The following AFG3L2 variants were observed in gnomAD, a reference collection of about 807,000 sequenced individuals.
AFG3L2 encodes AFG3 like matrix AAA peptidase subunit 2.
In AFG3L2, 54 loss-of-function variants were observed where a neutral mutation model predicts 94.5. The ratio of observed to expected loss-of-function variants is 0.57; its 90% CI spans 0.46 to 0.72. The LOEUF (loss-of-function observed/expected upper bound fraction) is 0.72. AFG3L2 is among the 30% of genes least tolerant of loss of function. The pLI, the probability that AFG3L2 is intolerant of heterozygous loss-of-function variation, is 0.00. For missense variants in AFG3L2, 754 were observed against 994.9 expected, an observed-to-expected ratio of 0.76 and a Z score of 3.26; for synonymous variants, 377 against 365.5, an observed-to-expected ratio of 1.03 and a Z score of -0.36.
At chr18:12,371,441 T>C in intron 2 of AFG3L2, 151 bp downstream of exon 2, 4 of 691,848 alleles carry the variant, frequency 5.8e-6, no homozygotes, top group Non-Finnish European at 1.0e-5. Flanking sequence ...TGCATATCAA[T>C]TTCATTATCT....
rs1243084934 is a variant in AFG3L2, at chr18:12,377,043, A to T, written c.40T>A (p.Cys14Ser). The T allele has an allele frequency of 7.0e-7, 1 of 1,437,696 alleles. No homozygotes were observed. The highest frequency in any genetic ancestry group is 1.5e-5 in the African/African-American group (1 of 67,438). 89.1% of individuals were successfully genotyped at this position (1,437,696 alleles called of 1,614,324 possible). The change falls in exon 1 of 17, where the codon TGC (cysteine) becomes AGC (serine). Residue 14 changes from cysteine to serine, a missense_variant. Coordinates refer to ENST00000269143, the MANE Select transcript of AFG3L2 (RefSeq NM_006796.3). ...AGCTGCTGTAGGCCGCGGGGCCAGC[A>T]GCCGCCCCGGCCCCACAGCCGCAAA... The part of the protein sequence containing the change: ...RCLRLWGRGG[C>S]WPRGLQQLLV...
At chr18:12,370,054 CAAAAAAAAAA>C (rs796293157) in intron 3 of AFG3L2, among the ~76,000 whole-genome samples, 3 of 36,004 alleles carry the variant, frequency 8.3e-5, no homozygotes, top group African/African-American at 2.1e-4. Context: ...GACTCTGTCT[CAAAAAAAAAA>C]AAAAAAAAAA....
chr18:12,361,188 G>A (rs942648268), intron 6 of AFG3L2, among the ~76,000 whole-genome samples: 2 of 152,226 alleles, frequency 1.3e-5, no homozygotes, highest in Non-Finnish European at 2.9e-5. Context: ...TGGCCACCAT[G>A]GTCTCAAACT....
At chr18:12,347,142 A>G (rs1421605844) in intron 13 of AFG3L2, among the ~76,000 whole-genome samples, 1 of 152,156 alleles carries the variant, frequency 6.6e-6, no homozygotes, top group Non-Finnish European at 1.5e-5. Flanking sequence ...ACAAAAAAAC[A>G]AAACAAAACA....
chr18:12,369,901 A>G (rs1422419692), intron 3 of AFG3L2, among the ~76,000 whole-genome samples: 1 of 75,516 alleles, frequency 1.3e-5, no homozygotes, highest in African/African-American at 8.0e-5. Flanking sequence ...CTAAAAATAC[A>G]AAAAAAAAAA....
intron 14 of AFG3L2, chr18:12,343,147 A>G (rs1166247970): frequency 6.6e-6 from 1 of 152,230 alleles, no homozygotes; most frequent in Non-Finnish European, 1.5e-5. Context: ...TGTCCTACAA[A>G]TATTTTCTTA....
chr18:12,353,156 G>T lies in AFG3L2; in HGVS notation c.1167C>A (p.Val389=). ...TCCGAGCAAGGGCAAATAAGTCTCG[G>T]ACCTTGGCAAAAACAGAAAGAGAGT... The part of the protein sequence containing the change: ...EMFVGVGPAR[V]RDLFALARKN... The change falls in exon 10 of 17, where the codon GTC becomes GTA. Residue 389 remains valine, a splice_region_variant and synonymous_variant. Coordinates refer to ENST00000269143, the MANE Select transcript of AFG3L2 (RefSeq NM_006796.3). The T allele has an allele frequency of 6.2e-7, 1 of 1,613,850 alleles. No individual in the cohort carries two copies. The highest frequency in any genetic ancestry group is 8.5e-7 in the Non-Finnish European group (1 of 1,179,894).
intron 3 of AFG3L2, among the ~76,000 whole-genome samples, 194 bp downstream of exon 3, chr18:12,370,655 C>T (rs1271948541): frequency 6.6e-6 from 1 of 151,988 alleles, no homozygotes; most frequent in East Asian, 1.9e-4. Context: ...GACAGAGTTT[C>T]ACCACATTGC....
chr18:12,366,502 G>A (rs745928624), intron 5 of AFG3L2, among the ~76,000 whole-genome samples: 24 of 152,154 alleles, frequency 1.6e-4, no homozygotes, highest in South Asian at 4.1e-4. Context: ...GACAACACAC[G>A]CTGATTAGCT....
chr18:12,355,841 G>T (rs551163165), intron 9 of AFG3L2, among the ~76,000 whole-genome samples: 12 of 151,800 alleles, frequency 7.9e-5, no homozygotes, highest in Admixed American at 6.6e-4. Context: ...GCTAATTTTG[G>T]TTTTGTTTTT....
intron 16 of AFG3L2, among the ~76,000 whole-genome samples, chr18:12,336,231 T>C (rs1907737696): frequency 1.3e-5 from 2 of 152,274 alleles, no homozygotes; most frequent in Admixed American, 6.5e-5. Flanking sequence ...GCCATTATTA[T>C]GGAGGTCAGA....
rs750583908 is a variant in AFG3L2 at position 12,377,164 on chromosome 18, G to T, written c.-82C>A. Reference sequence around the variant, plus strand: ...ACTGGCGGCCTCGGGAAGCGGGCTCGGCTCGGGGAAAGGCCGCCAGGCAGC... The same window carrying T: ...ACTGGCGGCCTCGGGAAGCGGGCTCTGCTCGGGGAAAGGCCGCCAGGCAGC... On this transcript the variant is annotated 5_prime_UTR_variant, in exon 1 of 17. Transcript: ENST00000269143. 1.8e-6 allele frequency: 2 copies of T among 1,132,728 alleles called. No individual in the cohort carries two copies. The highest frequency in any genetic ancestry group is 3.7e-5 in the East Asian group (1 of 27,020). The allele number at this position is 1,132,728 out of a possible 1,614,324, so 70.2% of individuals were successfully genotyped here.
chr18:12,364,781 C>T (rs1179488019), intron 5 of AFG3L2, among the ~76,000 whole-genome samples: 1 of 152,150 alleles, frequency 6.6e-6, no homozygotes, highest in African/African-American at 2.4e-5. Flanking sequence ...ATCCTCCCAC[C>T]TCAGCTTCCT....
At chr18:12,349,499 T>C (rs1908246511) in intron 12 of AFG3L2, among the ~76,000 whole-genome samples, 1 of 152,114 alleles carries the variant, frequency 6.6e-6, no homozygotes, top group Non-Finnish European at 1.5e-5. Context: ...ACAGCCCAAA[T>C]GGCCATCAAC....
At chr18:12,360,116 C>T (rs887679707) in intron 6 of AFG3L2, 65 bp from the exon 7 acceptor site, 20 of 1,501,506 alleles carry the variant, frequency 1.3e-5, no homozygotes, top group African/African-American at 1.1e-4. Context: ...ATTCACTAAA[C>T]GGTTCAACTT....
chr18:12,341,736 GTTT>G (rs755390252), intron 14 of AFG3L2: 10 of 152,136 alleles, frequency 6.6e-5, no homozygotes, highest in Non-Finnish European at 1.5e-4. Flanking sequence ...ATGGACATAG[GTTT>G]TTATTTCTCT....
Position 12,367,394 on chromosome 18 carries a change from C to G in AFG3L2, c.293-12G>C. ...AGCTGGCTTTGATTCTGTTCATAAA[C>G]AAAGAGCACACACAGAAGCACGGCA... On this transcript the variant is annotated splice_polypyrimidine_tract_variant and intron_variant, in intron 3 of 16. Transcript: ENST00000269143. The G allele has an allele frequency of 6.2e-7, 1 of 1,613,404 alleles. No individual in the cohort carries two copies. Among genetic ancestry groups the G allele is most frequent in the South Asian group, 1.1e-5 (1 of 91,066 alleles).
intron 8 of AFG3L2, among the ~76,000 whole-genome samples, chr18:12,358,367 C>T (rs773882757): frequency 3.9e-5 from 6 of 152,170 alleles, no homozygotes; most frequent in African/African-American, 1.4e-4. Context: ...TGAGCTACAG[C>T]GGGCCTACAG....
intron 5 of AFG3L2, among the ~76,000 whole-genome samples, chr18:12,364,763 C>A (rs1168864948): frequency 1.3e-5 from 2 of 152,108 alleles, no homozygotes; most frequent in Non-Finnish European, 2.9e-5. Context: ...CTTCTCTGGG[C>A]ACAAGAGATC....
Sources: allele counts gnomAD v4.1 joint callset (sites outside exome capture counted in the v4.1 genomes callset), GRCh38; gene constraint gnomAD v4.1.1; transcripts MANE v1.5; gene names NCBI Gene and HGNC (gene_info 2026-07-23, HGNC 2026-07-21).